Variants in CWC22 observed in about 807,000 individuals in gnomAD.
The protein encoded by CWC22 is CWC22 spliceosome associated protein, also known as pre-mRNA-splicing factor CWC22 homolog.
A neutral mutation model predicts 117.2 loss-of-function variants in CWC22; 53 were observed. That is an observed-to-expected ratio of 0.45 (90% confidence interval 0.36 to 0.57). The LOEUF (loss-of-function observed/expected upper bound fraction) is 0.57, where lower values mean the gene tolerates loss of function less well. Ranked by LOEUF, CWC22 falls within the 20% of genes least tolerant of loss-of-function variation. CWC22 has a pLI of 0.00. For synonymous variants in CWC22, 360 were observed against 355.6 expected (o/e 1.01, Z -0.14); for missense variants, 980 against 1,068.8 (o/e 0.92, Z 1.16).
At chr2:179,987,552 TA>T (rs1687450913) in intron 3 of CWC22, among the ~76,000 whole-genome samples, 1 of 152,116 alleles carries the variant, frequency 6.6e-6, no homozygotes, top group African/African-American at 2.4e-5. Context: ...AGATAGTAAG[TA>T]ATTATGAATC....
intron 4 of CWC22, among the ~76,000 whole-genome samples, chr2:179,982,567 T>C (rs1687311822): frequency 6.6e-6 from 1 of 152,210 alleles, no homozygotes; most frequent in African/African-American, 2.4e-5. Context: ...GTAAGACTAC[T>C]ATAGAATATA....
chr2:179,949,820 T>C lies in CWC22; in HGVS notation c.2140+692A>G, dbSNP rs1031956079. Among the ~76,000 whole-genome samples the C allele has an allele frequency of 3.9e-5, 6 of 152,232 alleles. No individual in the cohort carries two copies. In the East Asian group the frequency reaches 5.8e-4, roughly 15 times the overall value. On this transcript the variant is annotated intron_variant, in intron 19 of 19. Coordinates refer to ENST00000410053, the MANE Select transcript of CWC22 (RefSeq NM_020943.3). The stretch of plus-strand genomic sequence containing the variant: ...TATATTCATATAGTAGGAAACTACA[T>C]AGCAATATTACTGAATTAACTATAA...
chr2:179,988,635 C>A lies in CWC22; in HGVS notation c.37G>T (p.Gly13Cys), dbSNP rs187420465. 2.0e-4 allele frequency: 300 copies of A among 1,503,606 alleles called. 2 individuals carry two copies. In the East Asian group the frequency reaches 5.3e-3, roughly 27 times the overall value. 93.1% of individuals were successfully genotyped at this position (1,503,606 alleles called of 1,614,324 possible). The change falls in exon 3 of 20, where the codon GGT becomes TGT. Residue 13 changes from glycine (G) to cysteine (C), a missense_variant. Coordinates refer to ENST00000410053, the MANE Select transcript of CWC22 (RefSeq NM_020943.3). Reference sequence around the variant, plus strand: ...TTAAGGTTTTCCCTTCTGTCATGACCAGAAGAAGGCTTTAAAAGAGGAAAA... The same window carrying A: ...TTAAGGTTTTCCCTTCTGTCATGACAAGAAGAAGGCTTTAAAAGAGGAAAA... Reference protein sequence around the residue: ...SSVAQIKPSSGHDRRENLNSY... With the variant: ...SSVAQIKPSSCHDRRENLNSY...
At chr2:179,993,638 GA>G (rs1287208446) in intron 1 of CWC22, among the ~76,000 whole-genome samples, 184 bp from the exon 2 acceptor site, 1 of 151,446 alleles carries the variant, frequency 6.6e-6, no homozygotes, top group Non-Finnish European at 1.5e-5. Flanking sequence ...CATACAAGTA[GA>G]AAAAAAATCC....
intron 14 of CWC22, 57 bp from the exon 15 acceptor site, chr2:179,955,091 A>G: frequency 1.6e-6 from 2 of 1,239,580 alleles, no homozygotes; most frequent in Non-Finnish European, 2.3e-6. Flanking sequence ...TAAATATTGT[A>G]TAATTTACCA....
At position 179,946,418 on chromosome 2, in the gene CWC22, C is replaced by G. The variant is rs368880925; in HGVS notation, c.2141-703G>C. The stretch of plus-strand genomic sequence containing the variant: ...GTACGCCAAGAATGCACCGCTACAC[C>G]CCAGCCTGGGTAACAAAGTGGGACT... On this transcript the variant is annotated intron_variant, in intron 19 of 19. Coordinates refer to ENST00000410053, the MANE Select transcript of CWC22 (RefSeq NM_020943.3). Among the ~76,000 whole-genome samples the G allele has an allele frequency of 6.7e-3, 909 of 136,322 alleles. 15 individuals carry two copies. The highest frequency in any genetic ancestry group is 7.1e-3 in the Non-Finnish European group (459 of 65,088). 89.4% of individuals were successfully genotyped at this position (136,322 alleles called of 152,430 possible). A position where few individuals can be genotyped will look rare whatever the true frequency, so the allele number is the denominator to read the frequency against.
At chr2:179,988,747 T>C in intron 2 of CWC22, 103 bp from the exon 3 acceptor site, 1 of 591,812 alleles carries the variant, frequency 1.7e-6, no homozygotes, top group Non-Finnish European at 2.9e-6. Context: ...AGAAATTGTA[T>C]CAAAACATTT....
intron 19 of CWC22, among the ~76,000 whole-genome samples, chr2:179,946,449 C>T (rs1381061432): frequency 2.4e-5 from 1 of 41,706 alleles, no homozygotes; most frequent in Non-Finnish European, 4.1e-5. Flanking sequence ...GGACTCTGTC[C>T]AAAAAAAAAA....
chr2:179,988,486 C>T (rs1687475494), intron 3 of CWC22, 91 bp downstream of exon 3: 1 of 677,106 alleles, frequency 1.5e-6, no homozygotes, highest in Admixed American at 3.3e-5. Context: ...AGAAGTTATC[C>T]ACCCTAAAAT....
intron 8 of CWC22, among the ~76,000 whole-genome samples, chr2:179,971,687 A>C (rs1687038462): frequency 6.6e-6 from 1 of 152,228 alleles, no homozygotes; most frequent in South Asian, 2.1e-4. Flanking sequence ...GACATTTATA[A>C]ACAATGCCAG....
chr2:179,999,989 C>G (rs148432011), intron 1 of CWC22, among the ~76,000 whole-genome samples: 1 of 152,138 alleles, frequency 6.6e-6, no homozygotes, highest in Non-Finnish European at 1.5e-5. Flanking sequence ...CCCCAAGGAA[C>G]GGATTTTCCT....
intron 4 of CWC22, among the ~76,000 whole-genome samples, chr2:179,985,847 T>C (rs1687406284): frequency 6.6e-6 from 1 of 152,044 alleles, no homozygotes; most frequent in Admixed American, 6.6e-5. Flanking sequence ...TCAGGTATTA[T>C]CTGCAGTTTC....
chr2:179,971,120 C>A (rs1001343669), intron 8 of CWC22, 44 bp from the exon 9 acceptor site: 9 of 1,274,870 alleles, frequency 7.1e-6, no homozygotes, highest in Non-Finnish European at 8.5e-6. Flanking sequence ...AATGCTTTTA[C>A]ATACATTAAA....
rs759199402 is a variant in CWC22 at position 179,954,270 on chromosome 2, T to C, written c.1624A>G (p.Asn542Asp). Residue 542 changes from asparagine (N) to aspartate (D), a missense_variant, in exon 16 of 20, where the codon AAC becomes GAC. Asn to Asp is a conservative substitution (Grantham distance 23, BLOSUM62 1). Transcript: ENST00000410053. ...QYDTIHRLET[N>D]KLRNVAKMFA... ...ATCTTAGCAACATTTCGCAACTTGTTTGTTTCCAAGCGATGGATGGTATCA... is the reference window on the plus strand; with the variant it reads ...ATCTTAGCAACATTTCGCAACTTGTCTGTTTCCAAGCGATGGATGGTATCA... The C allele has an allele frequency of 1.2e-6, 2 of 1,611,918 alleles. No individual in the cohort carries two copies. The highest frequency in any genetic ancestry group is 8.5e-7 in the Non-Finnish European group (1 of 1,178,598).
chr2:179,952,657 T>C (rs1686483497), intron 16 of CWC22, 59 bp from the exon 17 acceptor site: 2 of 943,982 alleles, frequency 2.1e-6, no homozygotes, highest in African/African-American at 3.4e-5. Flanking sequence ...CAGGACATAG[T>C]GACCAATATT....
chr2:179,971,708 A>G (rs971870486), intron 8 of CWC22, among the ~76,000 whole-genome samples: 35 of 152,342 alleles, frequency 2.3e-4, no homozygotes, highest in African/African-American at 8.2e-4. Context: ...GAAGAGTGGG[A>G]ATAAAATTCT....
At chr2:179,947,435 T>C (rs192026603) in intron 19 of CWC22, among the ~76,000 whole-genome samples, 2 of 152,364 alleles carry the variant, frequency 1.3e-5, no homozygotes, top group East Asian at 3.9e-4. Context: ...TTTGCTATGT[T>C]TGCATTATAA....
chr2:179,993,198 C>G, intron 2 of CWC22, 117 bp downstream of exon 2: 2 of 768,164 alleles, frequency 2.6e-6, no homozygotes, highest in Non-Finnish European at 4.3e-6. Context: ...TTGCACCAAC[C>G]TAAGTGCCAT....
At chr2:180,005,017 C>T (rs1331287980) in intron 1 of CWC22, among the ~76,000 whole-genome samples, 2 of 147,094 alleles carry the variant, frequency 1.4e-5, no homozygotes, top group Admixed American at 6.8e-5. Context: ...TACTCGAATG[C>T]TTTCGGAAAA....
Sources: allele counts gnomAD v4.1 joint callset (sites outside exome capture counted in the v4.1 genomes callset), GRCh38; gene constraint gnomAD v4.1.1; transcripts MANE v1.5; gene names NCBI Gene and HGNC (gene_info 2026-07-23, HGNC 2026-07-21).